RBMS3: variants seen among roughly 807,000 people sequenced by gnomAD.
RBMS3 encodes the protein RNA binding motif single stranded interacting protein 3, also known as RNA-binding motif, single-stranded-interacting protein 3.
In RBMS3, 27 loss-of-function variants were observed where a neutral mutation model predicts 66.8. The ratio of observed to expected loss-of-function variants is 0.40; its 90% CI spans 0.30 to 0.56. The LOEUF is 0.56. Ranked by LOEUF, RBMS3 falls within the 20% of genes least tolerant of loss-of-function variation. The pLI is 0.40. For missense variants in RBMS3, 513 were observed against 549.5 expected, an observed-to-expected ratio of 0.93 and a Z score of 0.66; for synonymous variants, 188 against 183.0, an observed-to-expected ratio of 1.03 and a Z score of -0.22.
rs1328877811 is a variant in RBMS3 at position 29,517,269 on chromosome 3, ATATGTG to A, written c.307+28772_307+28777del. ...ATCTGTGTATGTGAGGTGATTTCATATATGTGTGTGTGTGTGTGTGTGTGTGTGTGT... is the reference window on the plus strand; with the variant it reads ...ATCTGTGTATGTGAGGTGATTTCATATGTGTGTGTGTGTGTGTGTGTGTGT... On this transcript the variant is annotated intron_variant, in intron 3 of 14. Coordinates refer to ENST00000383767, the MANE Select transcript of RBMS3 (RefSeq NM_001003793.3). Among the ~76,000 whole-genome samples, 19 of 120,572 alleles carry A rather than the reference ATATGTG, an allele frequency of 1.6e-4. 1 individual carries two copies. The highest frequency in any genetic ancestry group is 1.2e-3 in the East Asian group (5 of 4,324). 79.1% of individuals were successfully genotyped at this position (120,572 alleles called of 152,430 possible). A position where few individuals can be genotyped will look rare whatever the true frequency, so the allele number is the denominator to read the frequency against.
At chr3:29,739,326 G>A (rs1409328225) in intron 4 of RBMS3, among the ~76,000 whole-genome samples, 1 of 151,918 alleles carries the variant, frequency 6.6e-6, no homozygotes, top group South Asian at 2.1e-4. Flanking sequence ...CGTGGTGGCG[G>A]GCGCCTGTAG....
At chr3:29,471,718 G>GTTTTTTTTTTTT (rs397793236) in intron 2 of RBMS3, among the ~76,000 whole-genome samples, 1 of 71,170 alleles carries the variant, frequency 1.4e-5, no homozygotes, top group Non-Finnish European at 2.7e-5. Context: ...TGAGGACTTA[G>GTTTTTTTTTTTT]TTTTTTTTTT....
chr3:29,827,114 A>G (rs1048770598), intron 6 of RBMS3, among the ~76,000 whole-genome samples: 29 of 152,130 alleles, frequency 1.9e-4, no homozygotes, highest in Admixed American at 8.5e-4. Context: ...TAAGTGCCTG[A>G]TCTGAGATGA....
At chr3:29,400,337 T>C (rs1168508546) in intron 1 of RBMS3, among the ~76,000 whole-genome samples, 2 of 152,052 alleles carry the variant, frequency 1.3e-5, no homozygotes, top group African/African-American at 4.8e-5. Flanking sequence ...ACAATTACTG[T>C]ACAATTCCAC....
In RBMS3 at chr3:29,360,394, G is replaced by T. The variant is rs551162347; in HGVS notation, c.76-74349G>T. ...CTTAATCCTGAGTTCTAATTTGATTGCACTGTGGTCTGAGAGACAGTTTGT... is the reference window on the plus strand; with the variant it reads ...CTTAATCCTGAGTTCTAATTTGATTTCACTGTGGTCTGAGAGACAGTTTGT... On this transcript the variant is annotated intron_variant, in intron 1 of 14. Coordinates refer to ENST00000383767, the MANE Select transcript of RBMS3 (RefSeq NM_001003793.3). Among the ~76,000 whole-genome samples the T allele has an allele frequency of 3.3e-5, 5 of 152,060 alleles. No homozygotes were observed. In the East Asian group the frequency reaches 9.7e-4, roughly 29 times the overall value.
chr3:29,776,168 G>A lies in RBMS3; in HGVS notation c.637+13179G>A, dbSNP rs867453342. Reference sequence around the variant, plus strand: ...GATGTTAAAGAAAAGAGCGCCATTCGTCCAGCTTATGATATGCTTTCTATG... The same window carrying A: ...GATGTTAAAGAAAAGAGCGCCATTCATCCAGCTTATGATATGCTTTCTATG... On this transcript the variant is annotated intron_variant, in intron 6 of 14. Coordinates refer to ENST00000383767, the MANE Select transcript of RBMS3 (RefSeq NM_001003793.3). Among the ~76,000 whole-genome samples, 5 of 151,886 alleles carry A rather than the reference G, an allele frequency of 3.3e-5. No homozygotes were observed. The South Asian group carries it at 6.2e-4, about 19-fold the overall frequency.
intron 4 of RBMS3, among the ~76,000 whole-genome samples, chr3:29,738,983 T>A (rs1007865432): frequency 4.6e-5 from 7 of 152,208 alleles, no homozygotes; most frequent in Non-Finnish European, 1.0e-4. Flanking sequence ...CTATTAAGAA[T>A]ATTGAATGAA....
At chr3:29,374,012 G>A (rs1050488962) in intron 1 of RBMS3, among the ~76,000 whole-genome samples, 9 of 152,214 alleles carry the variant, frequency 5.9e-5, no homozygotes, top group Non-Finnish European at 1.5e-5. Context: ...AAGAAACCCA[G>A]AAGGCTGTGC....
chr3:29,390,912 T>A (rs2039262259), intron 1 of RBMS3: 1 of 180,000 alleles, frequency 5.6e-6, no homozygotes, highest in African/African-American at 2.3e-5. Context: ...CAAGAGGAGC[T>A]GAAGACCACC....
At chr3:29,938,132 A>C (rs1454791122) in intron 11 of RBMS3, among the ~76,000 whole-genome samples, 2 of 151,962 alleles carry the variant, frequency 1.3e-5, no homozygotes, top group African/African-American at 4.8e-5. Context: ...CATATGACTG[A>C]ATCCTTTAGG....
At chr3:29,531,489 T>G in intron 3 of RBMS3, among the ~76,000 whole-genome samples, 1 of 152,228 alleles carries the variant, frequency 6.6e-6, no homozygotes, top group East Asian at 1.9e-4. Context: ...GCTCAATTTT[T>G]TCACTTCATT....
chr3:29,792,636 A>G (rs2057050814), intron 6 of RBMS3, among the ~76,000 whole-genome samples: 1 of 152,190 alleles, frequency 6.6e-6, no homozygotes, highest in Admixed American at 6.5e-5. Flanking sequence ...AATAAGAACA[A>G]TTAAAGTATC....
At chr3:29,755,413 T>G (rs2055366190) in intron 5 of RBMS3, among the ~76,000 whole-genome samples, 5 of 152,170 alleles carry the variant, frequency 3.3e-5, no homozygotes, top group Admixed American at 3.3e-4. Flanking sequence ...GATAGCTTTA[T>G]GGTGTAGGCA....
intron 6 of RBMS3, among the ~76,000 whole-genome samples, chr3:29,868,234 C>T (rs534205040): frequency 1.3e-5 from 2 of 151,718 alleles, no homozygotes; most frequent in African/African-American, 4.9e-5. Flanking sequence ...AAGTTATAGC[C>T]ATATCCTTTG....
intron 1 of RBMS3, among the ~76,000 whole-genome samples, chr3:29,338,660 TTCTCCTCTCCTCTCCTCCTCC>T (rs770281020): frequency 5.9e-4 from 85 of 144,262 alleles, no homozygotes; most frequent in Middle Eastern, 3.8e-3. Flanking sequence ...TGTCTAGGAT[TTCTCCTCTCCTCTCCTCCTCC>T]TCTCCTCTCC....
At chr3:29,647,024 C>T (rs1448755466) in intron 4 of RBMS3, among the ~76,000 whole-genome samples, 3 of 152,166 alleles carry the variant, frequency 2.0e-5, no homozygotes, top group African/African-American at 7.2e-5. Context: ...GTTGCCCAGG[C>T]TGAAGTGCAG....
chr3:29,398,460 T>C (rs933649968), intron 1 of RBMS3, among the ~76,000 whole-genome samples: 10 of 152,180 alleles, frequency 6.6e-5, no homozygotes, highest in African/African-American at 2.2e-4. Flanking sequence ...CATCCTAGAA[T>C]CATGTGCCAG....
chr3:29,752,046 G>A (rs2055206422), intron 5 of RBMS3, among the ~76,000 whole-genome samples: 1 of 152,180 alleles, frequency 6.6e-6, no homozygotes, highest in African/African-American at 2.4e-5. Flanking sequence ...CCTCACCTCA[G>A]TTCTTGTCTG....
chr3:29,537,273 C>T (rs1331456291), intron 3 of RBMS3, among the ~76,000 whole-genome samples: 1 of 152,148 alleles, frequency 6.6e-6, no homozygotes, highest in East Asian at 1.9e-4. Flanking sequence ...TGTCAGGACT[C>T]TAACTTTGGC....
Sources: gnomAD v4.1 joint callset for allele counts (sites outside exome capture counted in the v4.1 genomes callset) on GRCh38, gnomAD v4.1.1 for gene constraint, MANE v1.5 for transcripts, NCBI Gene and HGNC (gene_info 2026-07-23, HGNC 2026-07-21) for gene names.